Variants in LMF2 observed in about 807,000 individuals in gnomAD.
LMF2 encodes the protein lipase maturation factor 2.
Under a neutral mutation model 81.5 loss-of-function variants are expected in LMF2, and 113 were observed. That is an observed-to-expected ratio of 1.39 (90% confidence interval 1.19 to 1.62). LMF2 has a LOEUF of 1.62. Ranked by LOEUF, LMF2 falls within the 40% of genes most tolerant of loss-of-function variation. The pLI, the probability that LMF2 is intolerant of heterozygous loss-of-function variation, is 0.00. For synonymous variants in LMF2, 645 were observed against 424.5 expected (o/e 1.52, Z -6.39); for missense variants, 1,235 against 929.1 (o/e 1.33, Z -4.28).
At chr22:50,506,258 A>G (rs1311194435) in intron 4 of LMF2, 27 bp downstream of exon 4, 3 of 1,547,782 alleles carry the variant, frequency 1.9e-6, no homozygotes, top group Middle Eastern at 1.7e-4. Flanking sequence ...CCCCCAGACT[A>G]CCCCAGGTCC....
At position 50,503,257 on chromosome 22, in the gene LMF2, C is replaced by A; in HGVS notation, c.*134G>T. 2.1e-6 allele frequency: 2 copies of A among 968,478 alleles called. No homozygotes were observed. Among genetic ancestry groups the A allele is most frequent in the Non-Finnish European group, 3.0e-6 (2 of 664,810 alleles). The allele number at this position is 968,478 out of a possible 1,614,324, so 60.0% of individuals were successfully genotyped here. On this transcript the variant is annotated 3_prime_UTR_variant, in exon 14 of 14. Coordinates refer to ENST00000474879, the MANE Select transcript of LMF2 (RefSeq NM_033200.3). ...CCCTCAATGCAGCACCCTGCAAACCCCAGGGGCAGCCCCCCAACCTGTGCC... is the reference window on the plus strand; with the variant it reads ...CCCTCAATGCAGCACCCTGCAAACCACAGGGGCAGCCCCCCAACCTGTGCC...
At position 50,504,447 on chromosome 22, in the gene LMF2, G is replaced by T. The variant is rs773021426; in HGVS notation, c.1611C>A (p.Ile537=). The change falls in exon 12 of 14, where the codon ATC becomes ATA. Residue 537 remains isoleucine (I), a synonymous_variant. Transcript: ENST00000474879. The part of the protein sequence containing the change: ...LRLLQGKEPV[I]RLVQSQVARY... ...TGGCCACTTGGCTCTGGACAAGGCG[G>T]ATCACTGCAGCGAGAGGCATCAGCG... is the stretch of plus-strand genomic sequence containing the variant. 110 of 1,611,210 alleles carry T rather than the reference G, an allele frequency of 6.8e-5. 1 individual carries two copies. In the East Asian group the frequency reaches 2.4e-3, roughly 35 times the overall value.
chr22:50,506,866 C>T lies in LMF2; in HGVS notation c.264G>A (p.Val88=). Residue 88 remains valine (V), a synonymous_variant, in exon 2 of 14, where the codon GTG becomes GTA. Transcript: ENST00000474879. Reference sequence around the variant, plus strand: ...GGCTCAGCAGCAGGGCTCCCAGGGCCACTAGTGCACCCAGCAGGCTCAGCA... The same window carrying T: ...GGCTCAGCAGCAGGGCTCCCAGGGCTACTAGTGCACCCAGCAGGCTCAGCA... ...LELLSLLGAL[V]ALGALLLSPL... 1 of 1,591,678 alleles carries T rather than the reference C, an allele frequency of 6.3e-7. No homozygotes were observed.
At position 50,503,345 on chromosome 22, in the gene LMF2, T is replaced by C. The variant is rs1419576629; in HGVS notation, c.*46A>G. ...CCTGTCCTGCCGGAGGCCAGAGCAC[T>C]CCCGGCGACCTGGCCCTCTCAGGAC... On this transcript the variant is annotated 3_prime_UTR_variant, in exon 14 of 14. Transcript: ENST00000474879. 1 of 1,596,930 alleles carries C rather than the reference T, an allele frequency of 6.3e-7. No individual in the cohort carries two copies. The highest frequency in any genetic ancestry group is 2.2e-5 in the East Asian group (1 of 44,502).
intron 5 of LMF2, 28 bp from the exon 6 acceptor site, chr22:50,505,843 C>G (rs373241370): frequency 6.2e-7 from 1 of 1,610,734 alleles, no homozygotes; most frequent in South Asian, 1.1e-5. Flanking sequence ...TCAGTGCTCC[C>G]GGAGACTGAC....
In LMF2 at chr22:50,504,609, C is replaced by T; in HGVS notation, c.1556G>A (p.Ser519Asn). 1 of 1,606,448 alleles carries T rather than the reference C, an allele frequency of 6.2e-7. No homozygotes were observed. Among genetic ancestry groups the T allele is most frequent in the Non-Finnish European group, 8.5e-7 (1 of 1,179,070 alleles). The change falls in exon 11 of 14, where the codon AGC becomes AAC. Residue 519 changes from serine (S) to asparagine (N), a missense_variant. Coordinates refer to ENST00000474879, the MANE Select transcript of LMF2 (RefSeq NM_033200.3). Reference sequence around the variant, plus strand: ...CAAGACCAGGCTTGTGAACCACGGGCTGTGCGTGTGTGGGCCCAGGGCTGC... The same window carrying T: ...CAAGACCAGGCTTGTGAACCACGGGTTGTGCGTGTGTGGGCCCAGGGCTGC... ...WFAALGPHTH[S>N]PWFTSLVLRL...
Position 50,506,117 on chromosome 22 carries a change from G to A in LMF2, c.692C>T (p.Ala231Val), listed in dbSNP as rs1379169663. 29 of 1,584,406 alleles carry A rather than the reference G, an allele frequency of 1.8e-5. No homozygotes were observed. The highest frequency in any genetic ancestry group is 2.3e-5 in the Non-Finnish European group (27 of 1,165,736). Residue 231 changes from alanine to valine, a missense_variant, in exon 5 of 14, where the codon GCC becomes GTC. Ala to Val is a moderately conservative substitution (Grantham distance 64). Transcript: ENST00000474879. ...CACAGCGATCTCAATTAGGAAGGTG[G>A]CCACCACGCTGAGCTTGTGCAGCCA... ...PVWLHKLSVV[A>V]TFLIEIAVPP... is the part of the protein sequence containing the mutation.
chr22:50,503,854 A>G lies in LMF2; in HGVS notation c.1769T>C (p.Leu590Pro), dbSNP rs1485004357. Residue 590 changes from leucine (L) to proline (P), a missense_variant, in exon 13 of 14, where the codon CTG becomes CCG. Physicochemically the swap from Leu to Pro is moderately conservative, Grantham distance 98 (BLOSUM62 -3). Transcript: ENST00000474879. ...CAGCGTCTCCAGCGTGGGGTCCCCC[A>G]GGGACACGGATGGGAAGAACTCCTC... Reference protein sequence around the residue: ...WVEEFFPSVSLGDPTLETLLR... With the variant: ...WVEEFFPSVSPGDPTLETLLR... The G allele has an allele frequency of 6.2e-7, 1 of 1,606,166 alleles. No individual in the cohort carries two copies.
rs1004742898 is a variant in LMF2, at chr22:50,504,339, C to T, written c.1718+1G>A. On this transcript the variant is annotated splice_donor_variant, in intron 12 of 13. Transcript: ENST00000474879. LOFTEE classifies it high-confidence loss of function. ...ACACCCCACCCGGTGCCCAGCCTTA[C>T]CCCTGCTCCCCAGGCTGGGAGAACC... is the stretch of plus-strand genomic sequence containing the variant. 1.9e-6 allele frequency: 3 copies of T among 1,609,560 alleles called. No homozygotes were observed. Among genetic ancestry groups the T allele is most frequent in the Admixed American group, 1.7e-5 (1 of 59,876 alleles).
intron 1 of LMF2, 32 bp from the exon 2 acceptor site, chr22:50,507,067 G>T: frequency 6.4e-7 from 1 of 1,565,328 alleles, no homozygotes; most frequent in South Asian, 1.1e-5. Context: ...CCAGGCCCTG[G>T]ACAGCCCTTG....
intron 5 of LMF2, 87 bp downstream of exon 5, chr22:50,505,948 G>A (rs2148647479): frequency 6.4e-7 from 1 of 1,560,528 alleles, no homozygotes. Context: ...GTCCCCGGGA[G>A]CCACGCTGTC....
rs1409247548 is a variant in LMF2, at chr22:50,506,826, C to G, written c.304G>C (p.Val102Leu). 1 of 1,607,210 alleles carries G rather than the reference C, an allele frequency of 6.2e-7. No homozygotes were observed. Among genetic ancestry groups the G allele is most frequent in the Admixed American group, 1.7e-5 (1 of 58,824 alleles). The change falls in exon 2 of 14, where the codon GTC becomes CTC. Residue 102 changes from valine (V) to leucine (L), a missense_variant. By Grantham distance (32) the Val-to-Leu change is conservative. Coordinates refer to ENST00000474879, the MANE Select transcript of LMF2 (RefSeq NM_033200.3). ...GCGGCCCAAAGCAGCAAGTAGATGACAGGGTGGCGCAGTGGGCTCAGCAGC... is the reference window on the plus strand; with the variant it reads ...GCGGCCCAAAGCAGCAAGTAGATGAGAGGGTGGCGCAGTGGGCTCAGCAGC... ...ALLLSPLRHP[V>L]IYLLLWAAYL...
At chr22:50,504,058 C>T (rs1458436649) in intron 12 of LMF2, among the ~76,000 whole-genome samples, 154 bp from the exon 13 acceptor site, 18 of 95,988 alleles carry the variant, frequency 1.9e-4, no homozygotes, top group African/African-American at 6.9e-4. Context: ...CCACACCCCA[C>T]CCGGTGCCCG....
Position 50,504,580 on chromosome 22 carries a change from G to A in LMF2, c.1585C>T (p.Leu529=), listed in dbSNP as rs750077885. The change falls in exon 11 of 14, where the codon CTG becomes TTG. Residue 529 remains leucine (L), a synonymous_variant. Coordinates refer to ENST00000474879, the MANE Select transcript of LMF2 (RefSeq NM_033200.3). ...GCACCTGGCTCCTTGCCCTGCAGCA[G>A]GCGCAAGACCAGGCTTGTGAACCAC... ...SPWFTSLVLR[L]LQGKEPVIRL... 6.3e-7 allele frequency: 1 copy of A among 1,591,558 alleles called. No individual in the cohort carries two copies. Among genetic ancestry groups the A allele is most frequent in the Non-Finnish European group, 8.5e-7 (1 of 1,172,032 alleles).
intron 12 of LMF2, 45 bp downstream of exon 12, chr22:50,504,295 C>G (rs997688047): frequency 7.2e-7 from 1 of 1,391,464 alleles, no homozygotes; most frequent in South Asian, 1.2e-5. Flanking sequence ...CCCGGCCTTA[C>G]CCCTGCACCC....
In LMF2 at chr22:50,506,394, G is replaced by C. The variant is rs889111211; in HGVS notation, c.486C>G (p.Pro162=). 6.5e-7 allele frequency: 1 copy of C among 1,549,952 alleles called. No homozygotes were observed. The highest frequency in any genetic ancestry group is 1.4e-5 in the African/African-American group (1 of 73,174). ...CCAGCCAGAAGGGGAGGTCTTCGTG[G>C]GGCAGGGCCCCTGCCTGCCTGCCCT... ...APQGRQAGAL[P]HEDLPFWLVR... Residue 162 remains proline (P), a synonymous_variant, in exon 4 of 14, where the codon CCC becomes CCG. Transcript: ENST00000474879.
Position 50,503,558 on chromosome 22 carries a change from G to A in LMF2, c.1957C>T (p.Gln653Ter), listed in dbSNP as rs758020049. 3.9e-6 allele frequency: 6 copies of A among 1,542,944 alleles called. No individual in the cohort carries two copies. In the African/African-American group the frequency reaches 6.9e-5, roughly 18 times the overall value. The change falls in exon 14 of 14, where the codon CAA becomes TAA. Residue 653 changes from glutamine (Q) to a stop codon, truncating the protein, a stop_gained. Coordinates refer to ENST00000474879, the MANE Select transcript of LMF2 (RefSeq NM_033200.3). LOFTEE classifies it low-confidence loss of function (END_TRUNC). ...LMAVGAVRFV[Q>*]ALLAPCSLRS... ...AGAGAACAGGGTGCTAGCAGGGCTTGCACAAATCTGACAGCCCCCACGGCC... is the reference window on the plus strand; with the variant it reads ...AGAGAACAGGGTGCTAGCAGGGCTTACACAAATCTGACAGCCCCCACGGCC...
chr22:50,504,415 G>A lies in LMF2; in HGVS notation c.1643C>T (p.Pro548Leu), dbSNP rs370076519. 3.1e-6 allele frequency: 5 copies of A among 1,612,332 alleles called. No homozygotes were observed. The highest frequency in any genetic ancestry group is 1.7e-4 in the Middle Eastern group (1 of 6,044). ...RLVQSQVARY[P>L]FHKQPPTYVR... ...GTAGGTGGGCGGCTGCTTGTGGAAG[G>A]GATACCTGGCCACTTGGCTCTGGAC... Residue 548 changes from proline (P) to leucine (L), a missense_variant, in exon 12 of 14, where the codon CCC becomes CTC. Physicochemically the swap from Pro to Leu is moderately conservative, Grantham distance 98 (BLOSUM62 -3). Coordinates refer to ENST00000474879, the MANE Select transcript of LMF2 (RefSeq NM_033200.3).
chr22:50,506,375 A>G lies in LMF2; in HGVS notation c.505T>C (p.Trp169Arg). 1 of 1,549,948 alleles carries G rather than the reference A, an allele frequency of 6.5e-7. No homozygotes were observed. The highest frequency in any genetic ancestry group is 8.7e-7 in the Non-Finnish European group (1 of 1,147,144). The change falls in exon 4 of 14, where the codon TGG becomes CGG. Residue 169 changes from tryptophan (W) to arginine (R), a missense_variant. Coordinates refer to ENST00000474879, the MANE Select transcript of LMF2 (RefSeq NM_033200.3). ...GALPHEDLPF[W>R]LVRWLLFRLM... The stretch of plus-strand genomic sequence containing the variant: ...CGGAACAGCAGCCATCGCACCAGCC[A>G]GAAGGGGAGGTCTTCGTGGGGCAGG...
Sources: gnomAD v4.1 joint callset for allele counts (sites outside exome capture counted in the v4.1 genomes callset) on GRCh38, gnomAD v4.1.1 for gene constraint, MANE v1.5 for transcripts, NCBI Gene and HGNC (gene_info 2026-07-23, HGNC 2026-07-21) for gene names.